Variants in LRRTM4 observed in about 807,000 individuals in gnomAD.
LRRTM4 encodes leucine-rich repeat transmembrane neuronal protein 4.
In LRRTM4, 25 loss-of-function variants were observed where a neutral mutation model predicts 47.6. The ratio of observed to expected loss-of-function variants is 0.53; its 90% CI spans 0.38 to 0.73. LRRTM4 has a LOEUF of 0.73. Ranked by LOEUF, LRRTM4 falls within the 30% of genes least tolerant of loss-of-function variation. The pLI is 0.00. For missense variants in LRRTM4, 638 were observed against 713.4 expected (o/e 0.89, Z 1.20); for synonymous variants, 311 against 269.5 (o/e 1.15, Z -1.51).
chr2:77,186,859 GC>G (rs1191199616), intron 3 of LRRTM4, among the ~76,000 whole-genome samples: 1 of 152,150 alleles, frequency 6.6e-6, no homozygotes, highest in African/African-American at 2.4e-5. Context: ...CCAAGAAGCT[GC>G]CGGTATGTTT....
chr2:76,754,116 G>T (rs1389029049), intron 3 of LRRTM4, among the ~76,000 whole-genome samples: 1 of 152,096 alleles, frequency 6.6e-6, no homozygotes, highest in East Asian at 1.9e-4. Context: ...CATTTAAAAA[G>T]TACCACTATA....
At chr2:76,845,952 G>A (rs1278148781) in intron 3 of LRRTM4, among the ~76,000 whole-genome samples, 1 of 152,128 alleles carries the variant, frequency 6.6e-6, no homozygotes, top group Non-Finnish European at 1.5e-5. Context: ...GATTTGAACT[G>A]CATAGATCCA....
At chr2:76,980,854 G>T (rs1002449695) in intron 3 of LRRTM4, among the ~76,000 whole-genome samples, 1 of 152,002 alleles carries the variant, frequency 6.6e-6, no homozygotes, top group Middle Eastern at 3.2e-3. Context: ...ACATTTCTCT[G>T]TTACATTATA....
chr2:77,476,964 A>ATGTGAGTGTG (rs1553448910), intron 3 of LRRTM4, among the ~76,000 whole-genome samples: 2 of 143,798 alleles, frequency 1.4e-5, no homozygotes, highest in African/African-American at 2.5e-5. Flanking sequence ...TTTGTAAGAG[A>ATGTGAGTGTG]TGTGTGTGTG....
At chr2:77,046,458 G>A (rs938460320) in intron 3 of LRRTM4, among the ~76,000 whole-genome samples, 1 of 151,956 alleles carries the variant, frequency 6.6e-6, no homozygotes, top group Admixed American at 6.6e-5. Context: ...CCACTGAATT[G>A]TACATTTGAA....
At chr2:77,201,315 C>A (rs1466539084) in intron 3 of LRRTM4, among the ~76,000 whole-genome samples, 1 of 151,724 alleles carries the variant, frequency 6.6e-6, no homozygotes, top group African/African-American at 2.4e-5. Context: ...ATAGGAGTAC[C>A]CAAGAAAAGC....
At chr2:77,420,801 T>C (rs943852638) in intron 3 of LRRTM4, among the ~76,000 whole-genome samples, 1 of 145,556 alleles carries the variant, frequency 6.9e-6, no homozygotes, top group South Asian at 2.1e-4. Context: ...ATATAATACA[T>C]ATATAATATA....
intron 3 of LRRTM4, among the ~76,000 whole-genome samples, chr2:77,268,063 T>G (rs1676095909): frequency 6.6e-6 from 1 of 152,130 alleles, no homozygotes; most frequent in East Asian, 1.9e-4. Flanking sequence ...AGCTTCCCAA[T>G]CTATACTTTA....
Position 76,833,369 on chromosome 2 carries a change from T to C in LRRTM4, c.1552-84453A>G, listed in dbSNP as rs113709988. Among the ~76,000 whole-genome samples the C allele has an allele frequency of 5.3e-3, 802 of 152,090 alleles. 5 individuals are homozygous for C. Among genetic ancestry groups the C allele is most frequent in the African/African-American group, 0.018 (731 of 41,502 alleles). The stretch of plus-strand genomic sequence containing the variant: ...GGATGTTCTGAGAGGTCAGGGTAGC[T>C]GAATCCATAAATTTATCTACACTAA... On this transcript the variant is annotated intron_variant, in intron 3 of 3. Coordinates refer to ENST00000409884, the MANE Select transcript of LRRTM4 (RefSeq NM_001134745.3).
intron 3 of LRRTM4, among the ~76,000 whole-genome samples, chr2:77,462,303 A>ATC (rs1472049562): frequency 6.6e-6 from 1 of 152,070 alleles, no homozygotes; most frequent in Non-Finnish European, 1.5e-5. Flanking sequence ...ATAAAACCAA[A>ATC]TCTTTCAAGG....
chr2:77,147,309 G>A (rs191323851), intron 3 of LRRTM4, among the ~76,000 whole-genome samples: 5 of 152,286 alleles, frequency 3.3e-5, no homozygotes, highest in Admixed American at 1.3e-4. Context: ...GGACTCATGA[G>A]TGTATCAAAT....
At chr2:77,059,414 G>C (rs919190955) in intron 3 of LRRTM4, among the ~76,000 whole-genome samples, 1 of 151,628 alleles carries the variant, frequency 6.6e-6, no homozygotes, top group African/African-American at 2.4e-5. Context: ...TTAGATATTA[G>C]AACCAAATAA....
chr2:77,138,683 A>G (rs756944267), intron 3 of LRRTM4, among the ~76,000 whole-genome samples: 2 of 152,184 alleles, frequency 1.3e-5, no homozygotes, highest in Non-Finnish European at 2.9e-5. Context: ...TGAATCAATG[A>G]GCTCGTTTTT....
At chr2:77,086,255 G>A (rs1234045308) in intron 3 of LRRTM4, among the ~76,000 whole-genome samples, 1 of 152,132 alleles carries the variant, frequency 6.6e-6, no homozygotes, top group Non-Finnish European at 1.5e-5. Context: ...AGAGAAGTGA[G>A]TCAAGGAGGA....
At chr2:76,841,406 C>A (rs1671678046) in intron 3 of LRRTM4, among the ~76,000 whole-genome samples, 1 of 151,558 alleles carries the variant, frequency 6.6e-6, no homozygotes, top group Non-Finnish European at 1.5e-5. Flanking sequence ...GCACATGTAC[C>A]CTAAAACTTA....
chr2:76,874,543 T>C (rs1351803123), intron 3 of LRRTM4, among the ~76,000 whole-genome samples: 1 of 152,068 alleles, frequency 6.6e-6, no homozygotes, highest in Non-Finnish European at 1.5e-5. Context: ...TGATTAAATA[T>C]TGAAAATATA....
chr2:77,264,261 G>T (rs1675992984), intron 3 of LRRTM4, among the ~76,000 whole-genome samples: 1 of 152,032 alleles, frequency 6.6e-6, no homozygotes, highest in Admixed American at 6.6e-5. Context: ...TTTACCCTTT[G>T]TTCTCATGTG....
intron 3 of LRRTM4, among the ~76,000 whole-genome samples, chr2:76,808,823 C>CT (rs71797198): frequency 0.39 from 58,291 of 151,384 alleles, 11,818 homozygotes; most frequent in East Asian, 0.66. Flanking sequence ...TTCTGCTGAA[C>CT]TTTTTTTTTC....
intron 3 of LRRTM4, among the ~76,000 whole-genome samples, chr2:77,285,325 T>C (rs894197667): frequency 7.1e-6 from 1 of 141,202 alleles, no homozygotes; most frequent in Admixed American, 7.1e-5. Flanking sequence ...AAATTAATTC[T>C]ACTCAGCATT....
Sources: allele counts gnomAD v4.1 joint callset (sites outside exome capture counted in the v4.1 genomes callset), GRCh38; gene constraint gnomAD v4.1.1; transcripts MANE v1.5; gene names NCBI Gene and HGNC (gene_info 2026-07-23, HGNC 2026-07-21).